Variants in TIGD4 observed in about 807,000 individuals in gnomAD.
The protein encoded by TIGD4 is tigger transposable element-derived protein 4.
Under a neutral mutation model 24.9 loss-of-function variants are expected in TIGD4, and 20 were observed. The ratio of observed to expected loss-of-function variants is 0.80; its 90% CI spans 0.56 to 1.17. The LOEUF is 1.17. TIGD4 is among the 50% of genes most tolerant of loss of function. The probability of loss-of-function intolerance (pLI) is 0.00; values close to 1 mark genes in which losing one functional copy is unlikely to be tolerated. For synonymous variants in TIGD4, 193 were observed against 211.0 expected (o/e 0.91, Z 0.74); for missense variants, 566 against 591.0 (o/e 0.96, Z 0.44).
In TIGD4 at chr4:152,770,529, G is replaced by A. The variant is rs772183877; in HGVS notation, c.476C>T (p.Ser159Leu). Residue 159 changes from serine to leucine, a missense_variant, in exon 2 of 2, where the codon TCG becomes TTG. Ser to Leu is a moderately radical substitution (Grantham distance 145). Coordinates refer to ENST00000304337, the MANE Select transcript of TIGD4 (RefSeq NM_145720.4). ...VEATGVPVDP[S>L]TVWYQNVLPY... ...AAGTACATTTTGGTACCAGACAGTCGAAGGGTCTACTGGTACACCTGTAGC... is the reference window on the plus strand; with the variant it reads ...AAGTACATTTTGGTACCAGACAGTCAAAGGGTCTACTGGTACACCTGTAGC... The A allele has an allele frequency of 1.2e-6, 2 of 1,613,084 alleles. No homozygotes were observed. The highest frequency in any genetic ancestry group is 1.7e-6 in the Non-Finnish European group (2 of 1,179,536).
intron 1 of TIGD4, among the ~76,000 whole-genome samples, chr4:152,777,707 G>A (rs1046784810): frequency 6.6e-6 from 1 of 151,946 alleles, no homozygotes; most frequent in Non-Finnish European, 1.5e-5. Context: ...AAGAGAGGGA[G>A]AGAGGGAAGA....
At chr4:152,774,723 T>A (rs1730233716) in intron 1 of TIGD4, among the ~76,000 whole-genome samples, 1 of 152,166 alleles carries the variant, frequency 6.6e-6, no homozygotes, top group Non-Finnish European at 1.5e-5. Flanking sequence ...AAGAAAAACA[T>A]AATCTTCTTT....
At position 152,770,225 on chromosome 4, in the gene TIGD4, C is replaced by T; in HGVS notation, c.780G>A (p.Met260Ile). 1 of 1,614,090 alleles carries T rather than the reference C, an allele frequency of 6.2e-7. No homozygotes were observed. The highest frequency in any genetic ancestry group is 8.5e-7 in the Non-Finnish European group (1 of 1,179,972). Residue 260 changes from methionine to isoleucine, a missense_variant, in exon 2 of 2, where the codon ATG becomes ATA. Met to Ile is a conservative substitution (Grantham distance 10). Transcript: ENST00000304337. ...TCCATTGTTCAAATACATCGGAGGT[C>T]ATCCATGCCATTCTGTTAGCTTCAT... is the stretch of plus-strand genomic sequence containing the variant. Reference protein sequence around the residue: ...VCYEANRMAWMTSDVFEQWMR... With the variant: ...VCYEANRMAWITSDVFEQWMR...
At chr4:152,778,862 G>A (rs1730319565) in intron 1 of TIGD4, among the ~76,000 whole-genome samples, 1 of 152,216 alleles carries the variant, frequency 6.6e-6, no homozygotes, top group Non-Finnish European at 1.5e-5. Flanking sequence ...GAGAAGTACG[G>A]TCTAAAGAAG....
intron 1 of TIGD4, among the ~76,000 whole-genome samples, chr4:152,779,074 G>C (rs776667314): frequency 2.0e-5 from 3 of 152,204 alleles, no homozygotes; most frequent in South Asian, 2.1e-4. Context: ...TCGCACCACT[G>C]AGCTCTGGGG....
rs1223590501 is a variant in TIGD4 at position 152,770,660 on chromosome 4, A to T, written c.345T>A (p.Asn115Lys). 6.2e-7 allele frequency: 1 copy of T among 1,604,942 alleles called. No individual in the cohort carries two copies. Among genetic ancestry groups the T allele is most frequent in the Non-Finnish European group, 8.5e-7 (1 of 1,177,400 alleles). The part of the protein sequence containing the change: ...VNGPMLRLKA[N>K]DFAQKLGHND... ...TATGGCCCAGTTTCTGGGCAAAATC[A>T]TTAGCTTTTAGACGTAACATCGGAC... Residue 115 changes from asparagine (N) to lysine (K), a missense_variant, in exon 2 of 2, where the codon AAT (asparagine) becomes AAA (lysine). Physicochemically the swap from Asn to Lys is moderately conservative, Grantham distance 94 (BLOSUM62 0). Coordinates refer to ENST00000304337, the MANE Select transcript of TIGD4 (RefSeq NM_145720.4).
intron 1 of TIGD4, among the ~76,000 whole-genome samples, chr4:152,774,734 TA>T (rs569854042): frequency 1.4e-3 from 220 of 152,086 alleles, no homozygotes; most frequent in Middle Eastern, 6.8e-3. Flanking sequence ...AATCTTCTTT[TA>T]AAAAAAACAT....
Position 152,770,897 on chromosome 4 carries a change from G to A in TIGD4, c.108C>T (p.Gly36=). Residue 36 remains glycine (G), a synonymous_variant, in exon 2 of 2, where the codon GGC becomes GGT. Coordinates refer to ENST00000304337, the MANE Select transcript of TIGD4 (RefSeq NM_145720.4). ...CAGCAGCAATCTCTGCTTTTTTCTT[G>A]CCACTTTCCACTGCATTTATGATGT... ...KIDIINAVES[G]KKKAEIAAEY... 1 of 1,613,650 alleles carries A rather than the reference G, an allele frequency of 6.2e-7. No individual in the cohort carries two copies. The highest frequency in any genetic ancestry group is 8.5e-7 in the Non-Finnish European group (1 of 1,179,886).
intron 1 of TIGD4, among the ~76,000 whole-genome samples, chr4:152,774,823 T>A (rs1246378551): frequency 6.6e-6 from 1 of 152,142 alleles, no homozygotes; most frequent in East Asian, 1.9e-4. Flanking sequence ...GGCACATAAA[T>A]TGTTACAATA....
At chr4:152,777,178 T>C (rs549199508) in intron 1 of TIGD4, among the ~76,000 whole-genome samples, 2 of 152,200 alleles carry the variant, frequency 1.3e-5, no homozygotes, top group Admixed American at 1.3e-4. Context: ...ATTTGCAAGA[T>C]TGAGGCCAGA....
chr4:152,769,628 ATCATCCTCT>A lies in TIGD4; in HGVS notation c.1368_1376del (p.Glu456_Asp458del). ...GGAGTTCAGTTCCTGGAGATCCATCATCATCCTCTTCATCAGAAGTGTAAAATCCAGTTT... is the reference window on the plus strand; with the variant it reads ...GGAGTTCAGTTCCTGGAGATCCATCATCATCAGAAGTGTAAAATCCAGTTT... On this transcript the variant is annotated inframe_deletion, in exon 2 of 2. Coordinates refer to ENST00000304337, the MANE Select transcript of TIGD4 (RefSeq NM_145720.4). 2 of 1,613,768 alleles carry A rather than the reference ATCATCCTCT, an allele frequency of 1.2e-6. No individual in the cohort carries two copies.
chr4:152,776,923 A>G (rs1177485446), intron 1 of TIGD4, among the ~76,000 whole-genome samples: 1 of 152,256 alleles, frequency 6.6e-6, no homozygotes, highest in Admixed American at 6.5e-5. Flanking sequence ...GGTTCATGAC[A>G]GAAGTAGCAT....
In TIGD4 at chr4:152,771,278, T is replaced by C. The variant is rs187241538; in HGVS notation, c.-274A>G. On this transcript the variant is annotated 5_prime_UTR_variant, in exon 2 of 2. Transcript: ENST00000304337. ...AGCTCAGTTTATAGCTTATTCAGAG[T>C]TGTAGAAGTCAAGCTAAAATAGAAA... is the stretch of plus-strand genomic sequence containing the variant. 1.9e-3 allele frequency: 540 copies of C among 277,966 alleles called. No individual in the cohort carries two copies. Among genetic ancestry groups the C allele is most frequent in the Non-Finnish European group, 3.0e-3 (431 of 142,242 alleles). 17.2% of individuals were successfully genotyped at this position (277,966 alleles called of 1,614,324 possible). A position where few individuals can be genotyped will look rare whatever the true frequency, so the allele number is the denominator to read the frequency against.
In TIGD4 at chr4:152,769,564, T is replaced by G. The variant is rs750716734; in HGVS notation, c.1441A>C (p.Thr481Pro). 4.8e-5 allele frequency: 78 copies of G among 1,608,576 alleles called. No individual in the cohort carries two copies. The South Asian group carries it at 6.2e-4, about 13-fold the overall frequency. ...TGACTTCTGAGAAATTTTTTCAGAG[T>G]ATCTAAAGCAGTTATTGCCTCAGAT... ...SKSEAITALDTLKKFLRSQDM... is the reference protein window; with the variant it reads ...SKSEAITALDPLKKFLRSQDM... The change falls in exon 2 of 2, where the codon ACT (threonine) becomes CCT (proline). Residue 481 changes from threonine (T) to proline (P), a missense_variant. Coordinates refer to ENST00000304337, the MANE Select transcript of TIGD4 (RefSeq NM_145720.4).
intron 1 of TIGD4, among the ~76,000 whole-genome samples, chr4:152,773,666 A>AAAAG (rs1554018755): frequency 1.6e-5 from 2 of 127,856 alleles, no homozygotes; most frequent in Admixed American, 8.2e-5. Context: ...AAAAAAAAAA[A>AAAAG]GCAACATTAG....
Position 152,770,196 on chromosome 4 carries a change from C to T in TIGD4, c.809G>A (p.Arg270Gln), listed in dbSNP as rs757895789. 29 of 1,614,092 alleles carry T rather than the reference C, an allele frequency of 1.8e-5. No homozygotes were observed. Among genetic ancestry groups the T allele is most frequent in the South Asian group, 9.9e-5 (9 of 91,078 alleles). ...GGCTTGAAATTCCTCATCAAGCTTT[C>T]GCATCCATTGTTCAAATACATCGGA... ...MTSDVFEQWMRKLDEEFQAQQ... is the reference protein window; with the variant it reads ...MTSDVFEQWMQKLDEEFQAQQ... Residue 270 changes from arginine (R) to glutamine (Q), a missense_variant, in exon 2 of 2, where the codon CGA becomes CAA. Arg to Gln is a conservative substitution (Grantham distance 43). Coordinates refer to ENST00000304337, the MANE Select transcript of TIGD4 (RefSeq NM_145720.4).
chr4:152,769,656 C>A lies in TIGD4; in HGVS notation c.1349G>T (p.Gly450Val), dbSNP rs1034763035. The A allele has an allele frequency of 1.2e-6, 2 of 1,613,068 alleles. No homozygotes were observed. The highest frequency in any genetic ancestry group is 1.3e-5 in the African/African-American group (1 of 74,892). ...ATCCTCTTCATCAGAAGTGTAAAAT[C>A]CAGTTTCATCCGATTTACTTTCTTT... ...CTKESKSDETGFYTSDEEDDD... is the reference protein window; with the variant it reads ...CTKESKSDETVFYTSDEEDDD... Residue 450 changes from glycine to valine, a missense_variant, in exon 2 of 2, where the codon GGA becomes GTA. Gly to Val is a moderately radical substitution (Grantham distance 109). Transcript: ENST00000304337.
chr4:152,770,913 T>C lies in TIGD4; in HGVS notation c.92A>G (p.Asn31Ser), dbSNP rs1167388993. 1 of 1,613,910 alleles carries C rather than the reference T, an allele frequency of 6.2e-7. No homozygotes were observed. Among genetic ancestry groups the C allele is most frequent in the African/African-American group, 1.3e-5 (1 of 74,932 alleles). ...LSIEEKIDII[N>S]AVESGKKKAE... ...TTTTTTCTTGCCACTTTCCACTGCATTTATGATGTCGATCTTTTCCTCAAT... is the reference window on the plus strand; with the variant it reads ...TTTTTTCTTGCCACTTTCCACTGCACTTATGATGTCGATCTTTTCCTCAAT... Residue 31 changes from asparagine (N) to serine (S), a missense_variant, in exon 2 of 2, where the codon AAT becomes AGT. By Grantham distance (46) the Asn-to-Ser change is conservative. Transcript: ENST00000304337.
chr4:152,769,462 A>G lies in TIGD4; in HGVS notation c.*4T>C, dbSNP rs111906541. 90 of 1,502,248 alleles carry G rather than the reference A, an allele frequency of 6.0e-5. 1 individual carries two copies. The African/African-American group carries it at 8.7e-4, about 14-fold the overall frequency. 93.1% of individuals were successfully genotyped at this position (1,502,248 alleles called of 1,614,324 possible). A position where few individuals can be genotyped will look rare whatever the true frequency, so the allele number is the denominator to read the frequency against. ...CTATTACTCTTTAGATGTACAATAC[A>G]TAGTTACTTAGGTGATAAAGAGTTA... On this transcript the variant is annotated 3_prime_UTR_variant, in exon 2 of 2. Transcript: ENST00000304337.
Sources: gnomAD v4.1 joint callset for allele counts (sites outside exome capture counted in the v4.1 genomes callset) on GRCh38, gnomAD v4.1.1 for gene constraint, MANE v1.5 for transcripts, NCBI Gene and HGNC (gene_info 2026-07-23, HGNC 2026-07-21) for gene names.